ZBTB20: variants seen among roughly 807,000 people sequenced by gnomAD.
The protein encoded by ZBTB20 is zinc finger and BTB domain-containing protein 20.
Under a neutral mutation model 56.9 loss-of-function variants are expected in ZBTB20, and 9 were observed. That is an observed-to-expected ratio of 0.16 (90% CI 0.10 to 0.28). ZBTB20 has a LOEUF of 0.28. Among genes scored for constraint, ZBTB20 ranks in the 10% least tolerant of loss-of-function variants. The pLI is 1.00. For synonymous variants in ZBTB20, 417 were observed against 420.7 expected, an observed-to-expected ratio of 0.99 and a Z score of 0.11; for missense variants, 655 against 1,003.0, an observed-to-expected ratio of 0.65 and a Z score of 4.69.
At chr3:114,432,086 T>A (rs769243079) in intron 7 of ZBTB20, among the ~76,000 whole-genome samples, 1 of 151,774 alleles carries the variant, frequency 6.6e-6, no homozygotes, top group Non-Finnish European at 1.5e-5. Flanking sequence ...ATTTTGCTAA[T>A]GTAAAAGTCC....
chr3:114,459,703 A>G (rs908023917), intron 7 of ZBTB20, among the ~76,000 whole-genome samples: 2 of 152,148 alleles, frequency 1.3e-5, no homozygotes, highest in Non-Finnish European at 2.9e-5. Flanking sequence ...CTTTATCCTA[A>G]GATTAGTGAT....
rs575715996 is a variant in ZBTB20, at chr3:114,755,586, T to G, written c.-343+45515A>C. On this transcript the variant is annotated intron_variant, in intron 5 of 11. Transcript: ENST00000675478. Reference sequence around the variant, plus strand: ...ATATGTATTTATTTACATGAAATTTTTTTTTTAAATTCCCCCCTTAACTCC... The same window carrying G: ...ATATGTATTTATTTACATGAAATTTGTTTTTTAAATTCCCCCCTTAACTCC... Among the ~76,000 whole-genome samples, 5 of 152,320 alleles carry G rather than the reference T, an allele frequency of 3.3e-5. No homozygotes were observed. The South Asian group carries it at 1.0e-3, about 32-fold the overall frequency.
intron 1 of ZBTB20, among the ~76,000 whole-genome samples, chr3:115,107,946 T>C (rs936036151): frequency 2.6e-5 from 4 of 152,028 alleles, no homozygotes; most frequent in African/African-American, 9.7e-5. Context: ...TGAGAACACA[T>C]GGACACAGGG....
intron 10 of ZBTB20, among the ~76,000 whole-genome samples, chr3:114,376,686 A>G (rs1250495969): frequency 6.6e-6 from 1 of 152,220 alleles, no homozygotes; most frequent in Non-Finnish European, 1.5e-5. Flanking sequence ...CAGTTTGGAA[A>G]TGTGTAAAGG....
chr3:115,121,442 T>C (rs1172005746), intron 1 of ZBTB20, among the ~76,000 whole-genome samples: 5 of 151,892 alleles, frequency 3.3e-5, no homozygotes, highest in African/African-American at 1.2e-4. Context: ...ATATTTTCAA[T>C]CTGTTATTCA....
chr3:114,536,176 G>T (rs560886110), intron 6 of ZBTB20, among the ~76,000 whole-genome samples: 1 of 152,058 alleles, frequency 6.6e-6, no homozygotes, highest in South Asian at 2.1e-4. Flanking sequence ...ATAAATAAAG[G>T]GTATTCAAAT....
In ZBTB20 at chr3:114,864,640, A is replaced by T. The variant is rs542901792; in HGVS notation, c.-417+35664T>A. On this transcript the variant is annotated intron_variant, in intron 4 of 11. Transcript: ENST00000675478. The stretch of plus-strand genomic sequence containing the variant: ...ACATTTTCATATAATACTATCTACA[A>T]ATATTGCCTGCTTTGAGAAGACTCC... Among the ~76,000 whole-genome samples the T allele has an allele frequency of 2.5e-3, 373 of 152,190 alleles. 2 individuals are homozygous for T. Among genetic ancestry groups the T allele is most frequent in the Non-Finnish European group, 4.6e-3 (315 of 67,946 alleles).
intron 2 of ZBTB20, among the ~76,000 whole-genome samples, chr3:115,068,800 T>A (rs1435962761): frequency 2.0e-5 from 3 of 152,114 alleles, no homozygotes; most frequent in African/African-American, 7.2e-5. Flanking sequence ...AATTCCACTT[T>A]GCTACCTACT....
intron 5 of ZBTB20, among the ~76,000 whole-genome samples, chr3:114,703,176 T>G (rs1408253545): frequency 6.6e-6 from 1 of 152,186 alleles, no homozygotes; most frequent in Non-Finnish European, 1.5e-5. Context: ...TCCTTAACAT[T>G]CAATAAGTCT....
At chr3:114,797,889 G>C (rs2071430844) in intron 5 of ZBTB20, among the ~76,000 whole-genome samples, 1 of 151,888 alleles carries the variant, frequency 6.6e-6, no homozygotes, top group Admixed American at 6.6e-5. Context: ...TTAAAATAAA[G>C]GAAGAAACTA....
chr3:114,964,495 G>A (rs890937563), intron 3 of ZBTB20, among the ~76,000 whole-genome samples: 1 of 152,164 alleles, frequency 6.6e-6, no homozygotes, highest in Non-Finnish European at 1.5e-5. Context: ...AGAAGACACA[G>A]AAAAGATCAG....
chr3:114,990,486 G>C (rs1367489745), intron 2 of ZBTB20, among the ~76,000 whole-genome samples: 1 of 152,156 alleles, frequency 6.6e-6, no homozygotes, highest in Admixed American at 6.5e-5. Flanking sequence ...TTTTTGATGT[G>C]CTGCTGGATT....
At chr3:114,615,847 A>G (rs1577973559) in intron 6 of ZBTB20, among the ~76,000 whole-genome samples, 1 of 152,208 alleles carries the variant, frequency 6.6e-6, no homozygotes, top group Non-Finnish European at 1.5e-5. Flanking sequence ...TGAAGTTCCT[A>G]TGACTTAAAT....
intron 4 of ZBTB20, among the ~76,000 whole-genome samples, chr3:114,802,513 T>C (rs1052958563): frequency 5.9e-5 from 9 of 151,680 alleles, no homozygotes; most frequent in Non-Finnish European, 1.2e-4. Flanking sequence ...CTAACTAAAC[T>C]TTTCCCCCTC....
chr3:114,949,495 C>A (rs1179590354), intron 3 of ZBTB20, among the ~76,000 whole-genome samples: 1 of 146,346 alleles, frequency 6.8e-6, no homozygotes, highest in Non-Finnish European at 1.5e-5. Context: ...AGGTCAGGCG[C>A]GGCGGCTCAT....
At chr3:114,432,054 G>T (rs541090695) in intron 7 of ZBTB20, among the ~76,000 whole-genome samples, 1 of 152,192 alleles carries the variant, frequency 6.6e-6, no homozygotes, top group South Asian at 2.1e-4. Context: ...AGCAGAGAGA[G>T]GGGGGAAAAC....
chr3:114,428,938 A>T (rs1349976892), intron 7 of ZBTB20, among the ~76,000 whole-genome samples: 1 of 152,198 alleles, frequency 6.6e-6, no homozygotes, highest in East Asian at 1.9e-4. Context: ...TGGGGCTATG[A>T]GGAATCCAGT....
chr3:115,086,006 C>G (rs1265551063), intron 1 of ZBTB20, among the ~76,000 whole-genome samples: 1 of 151,792 alleles, frequency 6.6e-6, no homozygotes. Context: ...CGTTGTATTT[C>G]TTTCTCTATT....
chr3:114,492,803 A>G (rs564785062), intron 7 of ZBTB20, among the ~76,000 whole-genome samples: 2 of 152,356 alleles, frequency 1.3e-5, no homozygotes, highest in South Asian at 4.1e-4. Flanking sequence ...AACATTTTAT[A>G]TAACTGTAGT....
Sources: gnomAD v4.1 joint callset for allele counts (sites outside exome capture counted in the v4.1 genomes callset) on GRCh38, gnomAD v4.1.1 for gene constraint, MANE v1.5 for transcripts, NCBI Gene and HGNC (gene_info 2026-07-23, HGNC 2026-07-21) for gene names.